MLIP: variants seen among roughly 807,000 people sequenced by gnomAD.
MLIP encodes the protein muscular LMNA interacting protein.
MLIP carries 79 observed loss-of-function variants against 84.8 expected under a neutral mutation model. The observed-to-expected ratio is 0.93, with a 90% confidence interval of 0.78 to 1.12. The LOEUF (loss-of-function observed/expected upper bound fraction) is 1.12. Ranked by LOEUF, MLIP falls within the 50% of genes most tolerant of loss-of-function variation. MLIP has a pLI of 0.00. For missense variants in MLIP, 1,257 were observed against 1,160.6 expected, an observed-to-expected ratio of 1.08 and a Z score of -1.21; for synonymous variants, 504 against 463.0, an observed-to-expected ratio of 1.09 and a Z score of -1.14.
Position 54,251,563 on chromosome 6 carries a change from A to ATATATAT in MLIP, c.2923-5740_2923-5734dup, listed in dbSNP as rs1393737294. On this transcript the variant is annotated intron_variant, in intron 12 of 13. Transcript: ENST00000502396. ...ATATATAGTATATATAGTAATATAA[A>ATATATAT]TATATATTATAGCATATAATATATA... Among the ~76,000 whole-genome samples the ATATATAT allele has an allele frequency of 3.8e-5, 3 of 78,740 alleles. 1 individual carries two copies. Among genetic ancestry groups the ATATATAT allele is most frequent in the African/African-American group, 3.2e-4 (3 of 9,428 alleles). The allele number at this position is 78,740 out of a possible 152,430, so 51.7% of individuals were successfully genotyped here.
At chr6:54,056,669 C>G (rs1193074717) in intron 1 of MLIP, among the ~76,000 whole-genome samples, 1 of 152,178 alleles carries the variant, frequency 6.6e-6, no homozygotes, top group Middle Eastern at 3.2e-3. Flanking sequence ...TCTCTAGAAG[C>G]TTGCCAGCAA....
intron 1 of MLIP, among the ~76,000 whole-genome samples, chr6:54,054,812 G>A (rs957496510): frequency 6.6e-6 from 1 of 152,032 alleles, no homozygotes; most frequent in Non-Finnish European, 1.5e-5. Flanking sequence ...TTTTCTCAAG[G>A]AGCCAGACCT....
At chr6:54,034,420 T>G (rs1430482223) in intron 1 of MLIP, among the ~76,000 whole-genome samples, 2 of 152,222 alleles carry the variant, frequency 1.3e-5, no homozygotes, top group Non-Finnish European at 2.9e-5. Context: ...TATATGATGG[T>G]GGTCATATAA....
At chr6:54,193,392 A>G (rs1399113186) in intron 10 of MLIP, among the ~76,000 whole-genome samples, 8 of 152,204 alleles carry the variant, frequency 5.3e-5, no homozygotes, top group Non-Finnish European at 7.3e-5. Flanking sequence ...ATTTTTGCAC[A>G]TAAAATCTGT....
At chr6:54,109,632 C>A (rs908361193), upstream of MLIP, among the ~76,000 whole-genome samples, 1 of 152,164 alleles carries the variant, frequency 6.6e-6, no homozygotes, top group African/African-American at 2.4e-5. Flanking sequence ...CTAAGTGCAG[C>A]CCAAATGCCA....
chr6:54,204,465 C>T (rs991516909), intron 11 of MLIP, among the ~76,000 whole-genome samples: 6 of 152,038 alleles, frequency 3.9e-5, no homozygotes, highest in Admixed American at 1.3e-4. Context: ...AAAATCAAAC[C>T]ACTAACAGTT....
intron 12 of MLIP, among the ~76,000 whole-genome samples, chr6:54,231,814 A>G (rs1414438062): frequency 6.6e-6 from 1 of 152,214 alleles, no homozygotes; most frequent in East Asian, 1.9e-4. Context: ...TCCAGAATGT[A>G]GTTGGATAAT....
At chr6:54,245,423 T>A (rs1375315782) in intron 12 of MLIP, among the ~76,000 whole-genome samples, 2 of 152,140 alleles carry the variant, frequency 1.3e-5, no homozygotes, top group Non-Finnish European at 2.9e-5. Flanking sequence ...TTATGCCCTT[T>A]ACCAGTCAGC....
intron 11 of MLIP, among the ~76,000 whole-genome samples, chr6:54,213,333 A>G (rs928576454): frequency 2.0e-5 from 3 of 152,222 alleles, no homozygotes; most frequent in African/African-American, 7.2e-5. Flanking sequence ...TTAAGCATGA[A>G]CAATATAAAT....
intron 1 of MLIP, among the ~76,000 whole-genome samples, chr6:54,093,021 C>T (rs1767962594): frequency 6.6e-6 from 1 of 152,096 alleles, no homozygotes; most frequent in African/African-American, 2.4e-5. Flanking sequence ...GGATTACAGG[C>T]ATGCACCACC....
At chr6:54,055,933 T>C (rs762624413) in intron 1 of MLIP, among the ~76,000 whole-genome samples, 5 of 152,134 alleles carry the variant, frequency 3.3e-5, no homozygotes, top group African/African-American at 4.8e-5. Flanking sequence ...GAATCTAAGG[T>C]CTAATTTGAT....
At position 54,063,721 on chromosome 6, in the gene MLIP, CGTGTGTGTGTGT is replaced by C. The variant is rs368630379; in HGVS notation, c.63+44654_63+44665del. ...GGGGTAGGCAGAACTAGGTCAGTGG[CGTGTGTGTGTGT>C]GTGTGTGTGTGTGTGTGTGTGTGGT... On this transcript the variant is annotated intron_variant, in intron 1 of 12. Coordinates refer to the MLIP transcript ENST00000274897. 1.1e-4 allele frequency among the ~76,000 whole-genome samples: 16 copies of C among 143,244 alleles called. No individual in the cohort carries two copies. In the East Asian group the frequency reaches 1.5e-3, roughly 13 times the overall value. The allele number at this position is 143,244 out of a possible 152,430, so 94.0% of individuals were successfully genotyped here.
chr6:54,144,804 C>T (rs540415956), intron 4 of MLIP, among the ~76,000 whole-genome samples: 1 of 152,302 alleles, frequency 6.6e-6, no homozygotes, highest in African/African-American at 2.4e-5. Context: ...TTTGTGACCT[C>T]ATGGATCTTT....
At chr6:54,230,546 C>T (rs987472825) in intron 11 of MLIP, among the ~76,000 whole-genome samples, 168 bp from the exon 12 acceptor site, 1 of 152,150 alleles carries the variant, frequency 6.6e-6, no homozygotes, top group African/African-American at 2.4e-5. Context: ...GAAAGAGACA[C>T]ACAATATACA....
At chr6:54,230,179 TC>T (rs1429871386) in intron 11 of MLIP, among the ~76,000 whole-genome samples, 1 of 152,112 alleles carries the variant, frequency 6.6e-6, no homozygotes, top group Non-Finnish European at 1.5e-5. Context: ...GACCCACCCT[TC>T]CCTGATTCCT....
chr6:54,216,684 T>A, intron 11 of MLIP: 1 of 985,106 alleles, frequency 1.0e-6, no homozygotes, highest in Non-Finnish European at 1.2e-6. Context: ...ATTTTCTTGG[T>A]TCAAATCAGG....
chr6:54,210,205 T>G (rs1253816752), intron 11 of MLIP, among the ~76,000 whole-genome samples: 1 of 152,274 alleles, frequency 6.6e-6, no homozygotes, highest in Non-Finnish European at 1.5e-5. Context: ...AGGACACAGT[T>G]CCTACATACG....
intron 1 of MLIP, among the ~76,000 whole-genome samples, chr6:54,071,629 C>A (rs1488588331): frequency 2.0e-5 from 3 of 151,954 alleles, no homozygotes; most frequent in Non-Finnish European, 4.4e-5. Flanking sequence ...AAAGAAGTTT[C>A]AAAAATATTT....
chr6:54,123,947 T>A (rs548572997), intron 2 of MLIP, among the ~76,000 whole-genome samples: 1 of 152,224 alleles, frequency 6.6e-6, no homozygotes, highest in Non-Finnish European at 1.5e-5. Context: ...TTTTTGGTGT[T>A]CTATTTATGA....
Sources: allele counts gnomAD v4.1 joint callset (sites outside exome capture counted in the v4.1 genomes callset), GRCh38; gene constraint gnomAD v4.1.1; transcripts MANE v1.5; gene names NCBI Gene and HGNC (gene_info 2026-07-23, HGNC 2026-07-21).